ZNF605: variants seen among roughly 807,000 people sequenced by gnomAD.
ZNF605 encodes the protein zinc finger protein 605.
A neutral mutation model predicts 7.9 loss-of-function variants in ZNF605; 9 were observed. That is an observed-to-expected ratio of 1.14 (90% CI 0.68 to 1.98). The LOEUF is 1.98. Ranked by LOEUF, ZNF605 falls within the 30% of genes most tolerant of loss-of-function variation. The probability of loss-of-function intolerance (pLI) is 0.00; values close to 1 mark genes in which losing one functional copy is unlikely to be tolerated. For missense variants in ZNF605, 673 were observed against 762.4 expected (o/e 0.88, Z 1.38); for synonymous variants, 255 against 260.1 (o/e 0.98, Z 0.19).
At chr12:132,936,928 G>A (rs971067637) in intron 3 of ZNF605, among the ~76,000 whole-genome samples, 7 of 152,090 alleles carry the variant, frequency 4.6e-5, no homozygotes, top group African/African-American at 9.7e-5. Context: ...GAGAAGGCAC[G>A]GCACAGACTA....
rs1952324940 is a variant in ZNF605 at position 132,933,322 on chromosome 12, A to G, written c.16-167T>C. On this transcript the variant is annotated intron_variant, in intron 3 of 4. Transcript: ENST00000360187. The surrounding 1 kb of genome is among the most constrained non-coding windows in gnomAD (Gnocchi z 4.4). ...CCCCTCTTGACCGTGGGCTGGACTC[A>G]CTGACTCATTGTCCTGAACAGAACA... is the stretch of plus-strand genomic sequence containing the variant. Among the ~76,000 whole-genome samples the G allele has an allele frequency of 6.6e-6, 1 of 152,192 alleles. No homozygotes were observed. Among genetic ancestry groups the G allele is most frequent in the Non-Finnish European group, 1.5e-5 (1 of 68,038 alleles).
intron 1 of ZNF605, among the ~76,000 whole-genome samples, chr12:132,952,450 CAAAAAAAA>C (rs76640666): frequency 2.2e-5 from 2 of 88,942 alleles, no homozygotes; most frequent in African/African-American, 4.1e-5. Flanking sequence ...GACTCTGTCT[CAAAAAAAA>C]AAAAAAAAAA....
chr12:132,952,671 G>A (rs1227530618), intron 1 of ZNF605, among the ~76,000 whole-genome samples: 4 of 151,762 alleles, frequency 2.6e-5, no homozygotes, highest in Non-Finnish European at 4.4e-5. Context: ...AGGAGGGATG[G>A]AAGAGGCCTA....
chr12:132,945,720 A>G lies in ZNF605; in HGVS notation c.-85T>C, dbSNP rs1027894500. 11 of 1,584,080 alleles carry G rather than the reference A, an allele frequency of 6.9e-6. No individual in the cohort carries two copies. The South Asian group carries it at 1.2e-4, about 18-fold the overall frequency. On this transcript the variant is annotated 5_prime_UTR_variant, in exon 3 of 5. Coordinates refer to ENST00000360187, the MANE Select transcript of ZNF605 (RefSeq NM_183238.4). ...AGTGGCCTCTGGTCAGTGGTCTGTA[A>G]ACTGAGAATACATCCTTGGTCTTGT...
chr12:132,925,352 C>T lies in ZNF605; in HGVS notation c.*21G>A, dbSNP rs1484577049. On this transcript the variant is annotated 3_prime_UTR_variant, in exon 5 of 5. Coordinates refer to ENST00000360187, the MANE Select transcript of ZNF605 (RefSeq NM_183238.4). Reference sequence around the variant, plus strand: ...ATGACACTTGATAGCAACCTTTCTGCATTCGCCAAAGTCATGATTTTTATA... The same window carrying T: ...ATGACACTTGATAGCAACCTTTCTGTATTCGCCAAAGTCATGATTTTTATA... The T allele has an allele frequency of 6.5e-7, 1 of 1,527,432 alleles. No individual in the cohort carries two copies. The highest frequency in any genetic ancestry group is 8.8e-7 in the Non-Finnish European group (1 of 1,131,022). 94.6% of individuals were successfully genotyped at this position (1,527,432 alleles called of 1,614,324 possible). A position where few individuals can be genotyped will look rare whatever the true frequency, so the allele number is the denominator to read the frequency against.
intron 3 of ZNF605, among the ~76,000 whole-genome samples, chr12:132,940,668 T>A (rs889049145): frequency 3.3e-5 from 5 of 152,176 alleles, no homozygotes; most frequent in Non-Finnish European, 5.9e-5. Context: ...TCCCTGGCCA[T>A]TGGATCAGGC....
At position 132,941,315 on chromosome 12, in the gene ZNF605, T is replaced by C. The variant is rs1952438621; in HGVS notation, c.15+4306A>G. 6.6e-6 allele frequency among the ~76,000 whole-genome samples: 1 copy of C among 152,124 alleles called. No individual in the cohort carries two copies. On this transcript the variant is annotated intron_variant, in intron 3 of 4. Coordinates refer to ENST00000360187, the MANE Select transcript of ZNF605 (RefSeq NM_183238.4). The surrounding 1 kb of genome is among the most constrained non-coding windows in gnomAD (Gnocchi z 5.1). ...AACAGCTGTCCTGCTTTCCAGACTC[T>C]GGTCAAGGCTAGCAGCGCCCAAAGG... is the stretch of plus-strand genomic sequence containing the variant.
At chr12:132,954,478 G>GTGGGGA in intron 1 of ZNF605, among the ~76,000 whole-genome samples, 2 of 139,520 alleles carry the variant, frequency 1.4e-5, no homozygotes, top group Non-Finnish European at 3.2e-5. Flanking sequence ...GAGGAGAAGG[G>GTGGGGA]GCTTCTGTCC....
In ZNF605 at chr12:132,919,148, A is replaced by G. The variant is rs1390764551; in HGVS notation, c.*6225T>C. 2 of 152,158 alleles carry G rather than the reference A, an allele frequency of 1.3e-5. No homozygotes were observed. Among genetic ancestry groups the G allele is most frequent in the Admixed American group, 6.6e-5 (1 of 15,266 alleles). 9.4% of individuals were successfully genotyped at this position (152,158 alleles called of 1,614,324 possible). ...ACGCACTAATGAAAATAAAAAGTTA[A>G]TTCACTTCTCCCACCCCCTATTGTA... On this transcript the variant is annotated 3_prime_UTR_variant, in exon 5 of 5. Coordinates refer to ENST00000360187, the MANE Select transcript of ZNF605 (RefSeq NM_183238.4).
intron 3 of ZNF605, among the ~76,000 whole-genome samples, chr12:132,942,723 C>T (rs1283765467): frequency 6.6e-6 from 1 of 152,212 alleles, no homozygotes; most frequent in African/African-American, 2.4e-5. Context: ...ATTCAGGTCA[C>T]GTTCAGTTTC....
At chr12:132,954,137 T>C (rs1369174806) in intron 1 of ZNF605, among the ~76,000 whole-genome samples, 1 of 151,402 alleles carries the variant, frequency 6.6e-6, no homozygotes, top group Non-Finnish European at 1.5e-5. Context: ...ACCATAGACC[T>C]CACAGGCCAG....
rs2137124852 is a variant in ZNF605 at position 132,927,033 on chromosome 12, C to A, written c.266G>T (p.Gly89Val). Residue 89 changes from glycine to valine, a missense_variant, in exon 5 of 5, where the codon GGA (glycine) becomes GTA (valine). Gly to Val is a moderately radical substitution (Grantham distance 109). Coordinates refer to ENST00000360187, the MANE Select transcript of ZNF605 (RefSeq NM_183238.4). ...TGTGCCACATTTATGGGATCGCAGTCCTACATGAACAATGTTTATGCTTGA... is the reference window on the plus strand; with the variant it reads ...TGTGCCACATTTATGGGATCGCAGTACTACATGAACAATGTTTATGCTTGA... ...FNSSINIVHV[G>V]LRSHKCGTGE... 5 of 1,609,296 alleles carry A rather than the reference C, an allele frequency of 3.1e-6. No individual in the cohort carries two copies. In the East Asian group the frequency reaches 1.1e-4, roughly 36 times the overall value.
Position 132,926,433 on chromosome 12 carries a change from G to C in ZNF605, c.866C>G (p.Ala289Gly). ...GATGAGTTTTAATTTCTGGGAGAAT[G>C]CTTTCCCACACTCACTGCAACTGTA... ...KPYSCSECGK[A>G]FSQKLKLITH... The change falls in exon 5 of 5, where the codon GCA (alanine) becomes GGA (glycine). Residue 289 changes from alanine to glycine, a missense_variant. By Grantham distance (60) the Ala-to-Gly change is moderately conservative. Transcript: ENST00000360187. 2 of 1,614,156 alleles carry C rather than the reference G, an allele frequency of 1.2e-6. No individual in the cohort carries two copies. Among genetic ancestry groups the C allele is most frequent in the Non-Finnish European group, 1.7e-6 (2 of 1,180,014 alleles).
intron 4 of ZNF605, among the ~76,000 whole-genome samples, chr12:132,927,446 A>C (rs1175713730): frequency 6.6e-6 from 1 of 152,054 alleles, no homozygotes; most frequent in African/African-American, 2.4e-5. Flanking sequence ...GCTCAGTGCA[A>C]CCTCTGCCTC....
intron 3 of ZNF605, among the ~76,000 whole-genome samples, chr12:132,944,388 G>A (rs1458291270): frequency 6.6e-6 from 1 of 152,154 alleles, no homozygotes; most frequent in Non-Finnish European, 1.5e-5. Flanking sequence ...GAATTCCTCC[G>A]AAAGGTGAGG....
intron 2 of ZNF605, among the ~76,000 whole-genome samples, chr12:132,946,356 CAG>C (rs1293015155): frequency 1.3e-5 from 2 of 152,204 alleles, no homozygotes; most frequent in Non-Finnish European, 2.9e-5. Flanking sequence ...AAAAGAAAAA[CAG>C]ACACCCCTGG....
chr12:132,943,978 C>T (rs969698351), intron 3 of ZNF605, among the ~76,000 whole-genome samples: 54 of 152,230 alleles, frequency 3.5e-4, no homozygotes, highest in African/African-American at 1.2e-3. Context: ...TCCTGATGTC[C>T]CCATGTCTTG....
At chr12:132,938,815 T>C (rs1294940977) in intron 3 of ZNF605, among the ~76,000 whole-genome samples, 2 of 151,776 alleles carry the variant, frequency 1.3e-5, no homozygotes, top group Non-Finnish European at 2.9e-5. Context: ...GAGTTCCGGG[T>C]GGGCGTGGGC....
intron 4 of ZNF605, chr12:132,932,810 C>G (rs907975518): frequency 1.8e-5 from 27 of 1,532,816 alleles, no homozygotes; most frequent in Admixed American, 5.9e-5. Flanking sequence ...GAAAACCTGT[C>G]GATTGGAAAC....
Sources: gnomAD v4.1 joint callset for allele counts (sites outside exome capture counted in the v4.1 genomes callset) on GRCh38, gnomAD v4.1.1 for gene constraint, Gnocchi (gnomAD v3.1) non-coding constraint, MANE v1.5 for transcripts, NCBI Gene and HGNC (gene_info 2026-07-23, HGNC 2026-07-21) for gene names.